Variants in ACTR3C observed in about 807,000 individuals in gnomAD.
ACTR3C encodes actin-related protein 3C.
ACTR3C carries 18 observed loss-of-function variants against 26.3 expected under a neutral mutation model. The observed-to-expected ratio is 0.68, with a 90% CI of 0.47 to 1.01. The LOEUF (loss-of-function observed/expected upper bound fraction) is 1.01, where lower values mean the gene tolerates loss of function less well. Ranked by LOEUF, ACTR3C falls within the 50% of genes least tolerant of loss-of-function variation. The pLI is 0.00. For missense variants in ACTR3C, 184 were observed against 250.7 expected (o/e 0.73, Z 1.80); for synonymous variants, 55 against 94.5 (o/e 0.58, Z 2.42).
the ACTR3C span, among the ~76,000 whole-genome samples, chr7:149,943,177 T>A: frequency 1.8e-4 from 26 of 142,694 alleles, no homozygotes; most frequent in African/African-American, 7.8e-4. Context: ...GACTATTGCT[T>A]CAGGTAAAAG....
the ACTR3C span, among the ~76,000 whole-genome samples, chr7:150,038,788 C>A: frequency 1.4e-5 from 2 of 142,166 alleles, no homozygotes; most frequent in South Asian, 4.3e-4. Flanking sequence ...GGCTCTCAGT[C>A]CCCGCCTCGC....
chr7:150,172,357 G>C, the ACTR3C span, among the ~76,000 whole-genome samples: 1 of 150,578 alleles, frequency 6.6e-6, no homozygotes, highest in Admixed American at 6.6e-5. Context: ...GGCGGCGAGA[G>C]AAAATGAGGA....
At chr7:150,206,674 G>C in the ACTR3C span, among the ~76,000 whole-genome samples, 1 of 151,872 alleles carries the variant, frequency 6.6e-6, no homozygotes, top group Non-Finnish European at 1.5e-5. Context: ...CACACGCCTT[G>C]GCCTCCCAAA....
the ACTR3C span, among the ~76,000 whole-genome samples, chr7:150,178,180 T>C: frequency 6.6e-6 from 1 of 150,518 alleles, no homozygotes; most frequent in Non-Finnish European, 1.5e-5. Context: ...GCTCCACTAC[T>C]GACACCTCGA....
At chr7:150,161,240 G>A in the ACTR3C span, among the ~76,000 whole-genome samples, 11 of 88,644 alleles carry the variant, frequency 1.2e-4, no homozygotes, top group Non-Finnish European at 2.4e-4. Context: ...TATACTTTAA[G>A]TTCTAGGGTA....
At chr7:150,112,715 C>A in the ACTR3C span, among the ~76,000 whole-genome samples, 2 of 152,200 alleles carry the variant, frequency 1.3e-5, no homozygotes, top group East Asian at 1.9e-4. Context: ...GCAATCCCAT[C>A]CCCTCTGGAA....
chr7:149,939,017 G>C, the ACTR3C span, among the ~76,000 whole-genome samples: 1 of 150,776 alleles, frequency 6.6e-6, no homozygotes, highest in South Asian at 2.1e-4. Context: ...TTGTGTTCTT[G>C]TTGCCCAGGC....
chr7:150,117,007 G>T, the ACTR3C span, among the ~76,000 whole-genome samples: 1 of 152,084 alleles, frequency 6.6e-6, no homozygotes, highest in Non-Finnish European at 1.5e-5. Flanking sequence ...CCTGGCCAAG[G>T]GAAGCCATGA....
chr7:149,906,755 G>C, the ACTR3C span, among the ~76,000 whole-genome samples: 6 of 109,946 alleles, frequency 5.5e-5, no homozygotes, highest in African/African-American at 1.8e-4. Flanking sequence ...TCTAGCTGCA[G>C]CCTAACTCTC....
the ACTR3C span, among the ~76,000 whole-genome samples, chr7:150,156,737 T>C: frequency 1.3e-5 from 2 of 152,330 alleles, no homozygotes; most frequent in East Asian, 3.9e-4. Flanking sequence ...CTAATTCCTA[T>C]TTAATGTAGT....
the ACTR3C span, among the ~76,000 whole-genome samples, chr7:150,149,942 G>A: frequency 4.6e-5 from 7 of 152,250 alleles, no homozygotes; most frequent in Non-Finnish European, 5.9e-5. Context: ...AAAGTAGCCC[G>A]ATTTTCTAAC....
At chr7:149,925,604 C>T in the ACTR3C span, among the ~76,000 whole-genome samples, 2 of 152,136 alleles carry the variant, frequency 1.3e-5, no homozygotes, top group Admixed American at 6.5e-5. Flanking sequence ...CATCTCCAGT[C>T]ATTGGGTTTT....
the ACTR3C span, among the ~76,000 whole-genome samples, chr7:149,996,883 AACAC>A: frequency 1.1e-3 from 165 of 151,196 alleles, no homozygotes; most frequent in Middle Eastern, 6.8e-3. Flanking sequence ...CTCCTTGCAG[AACAC>A]ACTCTCAGTG....
chr7:150,117,394 G>A, the ACTR3C span, among the ~76,000 whole-genome samples: 1 of 152,210 alleles, frequency 6.6e-6, no homozygotes, highest in Non-Finnish European at 1.5e-5. Context: ...GAGCTTGGTG[G>A]GGGGAGGGGT....
chr7:150,173,659 T>C, the ACTR3C span, among the ~76,000 whole-genome samples: 1 of 135,596 alleles, frequency 7.4e-6, no homozygotes, highest in Non-Finnish European at 1.5e-5. Context: ...TTGCAGAAAA[T>C]AGGTGTTTCT....
chr7:150,244,081 T>A (rs1832335297), downstream of ACTR3C: 1 of 150,732 alleles, frequency 6.6e-6, no homozygotes, highest in African/African-American at 2.5e-5. Context: ...AGTCTTAGAA[T>A]ATTGAATATT....
chr7:149,983,475 A>T, the ACTR3C span, among the ~76,000 whole-genome samples: 1 of 134,600 alleles, frequency 7.4e-6, no homozygotes, highest in Non-Finnish European at 1.6e-5. Flanking sequence ...GTAGGAAAAC[A>T]AATGTTGACA....
the ACTR3C span, among the ~76,000 whole-genome samples, chr7:149,883,656 G>T: frequency 6.6e-6 from 1 of 152,232 alleles, no homozygotes; most frequent in South Asian, 2.1e-4. Flanking sequence ...CATTGCTGGG[G>T]GTGGATGGTG....
At chr7:150,185,495 G>C in the ACTR3C span, among the ~76,000 whole-genome samples, 3 of 152,052 alleles carry the variant, frequency 2.0e-5, no homozygotes. Context: ...TTTTCATCAA[G>C]TGTCATCTTT....
Sources: allele counts gnomAD v4.1 joint callset (sites outside exome capture counted in the v4.1 genomes callset), GRCh38; gene constraint gnomAD v4.1.1; transcripts MANE v1.5; gene names NCBI Gene and HGNC (gene_info 2026-07-23, HGNC 2026-07-21).